BRWD1: variants seen among roughly 807,000 people sequenced by gnomAD.
BRWD1 encodes bromodomain and WD repeat-containing protein 1.
BRWD1 carries 82 observed loss-of-function variants against 251.2 expected under a neutral mutation model. The observed-to-expected ratio is 0.33, with a 90% CI of 0.27 to 0.39. The LOEUF is 0.39. Ranked by LOEUF, BRWD1 falls within the 10% of genes least tolerant of loss-of-function variation. BRWD1 has a pLI of 1.00. For synonymous variants in BRWD1, 918 were observed against 902.8 expected (o/e 1.02, Z -0.30); for missense variants, 2,233 against 2,711.6 (o/e 0.82, Z 3.92).
chr21:39,286,016 C>CTTTTTTTTTTTTTTTTTTTTTTTT (rs57151774), intron 8 of BRWD1, among the ~76,000 whole-genome samples: 1 of 104,806 alleles, frequency 9.5e-6, no homozygotes, highest in Non-Finnish European at 1.8e-5. Context: ...ACCATATGAA[C>CTTTTTTTTTTTTTTTTTTTTTTTT]TTTTTTTTTT....
intron 4 of BRWD1, among the ~76,000 whole-genome samples, chr21:39,304,778 T>C (rs1428908465): frequency 6.6e-6 from 1 of 152,074 alleles, no homozygotes; most frequent in Non-Finnish European, 1.5e-5. Flanking sequence ...AAGAAGTTGG[T>C]GTGGCTATAT....
intron 18 of BRWD1, among the ~76,000 whole-genome samples, 199 bp from the exon 19 acceptor site, chr21:39,256,027 G>A (rs1027707139): frequency 7.2e-5 from 11 of 152,026 alleles, no homozygotes; most frequent in African/African-American, 2.2e-4. Context: ...TATGTTGCCC[G>A]GGCTAGTCGC....
At chr21:39,297,197 T>C (rs368391678) in intron 5 of BRWD1, 9 of 985,392 alleles carry the variant, frequency 9.1e-6, no homozygotes, top group East Asian at 1.1e-4. Flanking sequence ...TGCCAGAAAT[T>C]AGTTTCTTCA....
chr21:39,222,528 G>A (rs2033218546), intron 29 of BRWD1, among the ~76,000 whole-genome samples: 1 of 152,134 alleles, frequency 6.6e-6, no homozygotes, highest in South Asian at 2.1e-4. Context: ...ATGGACATAG[G>A]AGCCAACATG....
intron 7 of BRWD1, among the ~76,000 whole-genome samples, chr21:39,295,167 A>G (rs936870992): frequency 7.6e-6 from 1 of 131,848 alleles, no homozygotes; most frequent in African/African-American, 2.8e-5. Flanking sequence ...AGTGTTAGGT[A>G]TGTCTATGTT....
intron 22 of BRWD1, among the ~76,000 whole-genome samples, chr21:39,238,179 G>C (rs2033875499): frequency 6.6e-6 from 1 of 151,316 alleles, no homozygotes; most frequent in South Asian, 2.1e-4. Flanking sequence ...AATATACTGT[G>C]GTTTTACCAC....
At chr21:39,311,612 G>C (rs2036486914) in intron 4 of BRWD1, among the ~76,000 whole-genome samples, 1 of 152,160 alleles carries the variant, frequency 6.6e-6, no homozygotes, top group Non-Finnish European at 1.5e-5. Context: ...AACTAAAAGA[G>C]GGCATCCTTT....
chr21:39,285,556 T>C (rs1465425048), intron 8 of BRWD1, among the ~76,000 whole-genome samples: 1 of 152,208 alleles, frequency 6.6e-6, no homozygotes, highest in Non-Finnish European at 1.5e-5. Flanking sequence ...ACAATGCATA[T>C]ATGCACTGAA....
chr21:39,309,631 T>C (rs891538769), intron 4 of BRWD1, among the ~76,000 whole-genome samples: 2 of 151,442 alleles, frequency 1.3e-5, no homozygotes, highest in African/African-American at 4.9e-5. Flanking sequence ...GAGACCATCC[T>C]GGCTAACACA....
At chr21:39,304,779 G>A (rs549527056) in intron 4 of BRWD1, among the ~76,000 whole-genome samples, 23 of 152,148 alleles carry the variant, frequency 1.5e-4, no homozygotes, top group Non-Finnish European at 2.5e-4. Flanking sequence ...AGAAGTTGGT[G>A]TGGCTATATT....
At chr21:39,213,283 C>A (rs1209041354) in intron 33 of BRWD1, among the ~76,000 whole-genome samples, 198 bp downstream of exon 33, 1 of 152,154 alleles carries the variant, frequency 6.6e-6, no homozygotes. Flanking sequence ...AAGTTATTCA[C>A]TTAGATATAT....
At position 39,189,959 on chromosome 21, in the gene BRWD1, C is replaced by A. The variant is rs1378891948; in HGVS notation, c.*6300G>T. The stretch of plus-strand genomic sequence containing the variant: ...GAGTCTTGTTTCAGTCATGGGTTTA[C>A]AAAGTCATTGAGTGCTTGAGGACTT... On this transcript the variant is annotated 3_prime_UTR_variant, in exon 41 of 41. Transcript: ENST00000342449. 1.0e-6 allele frequency: 1 copy of A among 985,222 alleles called. No homozygotes were observed. Among genetic ancestry groups the A allele is most frequent in the Non-Finnish European group, 1.2e-6 (1 of 829,914 alleles). The allele number at this position is 985,222 out of a possible 1,614,324, so 61.0% of individuals were successfully genotyped here.
At chr21:39,284,724 T>TC (rs1447357712) in intron 8 of BRWD1, among the ~76,000 whole-genome samples, 1 of 152,222 alleles carries the variant, frequency 6.6e-6, no homozygotes, top group East Asian at 1.9e-4. Flanking sequence ...TTGTATGTGT[T>TC]CTTTTTAGAA....
intron 12 of BRWD1, 21 bp downstream of exon 12, chr21:39,276,152 A>ACC: frequency 1.3e-6 from 2 of 1,599,098 alleles, no homozygotes; most frequent in Non-Finnish European, 1.7e-6. Context: ...ACACACACAC[A>ACC]CATACAAAAC....
intron 7 of BRWD1, 126 bp downstream of exon 7, chr21:39,295,617 C>T (rs975361874): frequency 1.5e-6 from 1 of 652,616 alleles, no homozygotes; most frequent in Non-Finnish European, 2.4e-6. Context: ...TTCGTGAGAC[C>T]CACACCATAC....
In BRWD1 at chr21:39,270,688, T is replaced by C. The variant is rs565164844; in HGVS notation, c.1245-255A>G. On this transcript the variant is annotated intron_variant, in intron 13 of 40. Coordinates refer to ENST00000342449, the MANE Select transcript of BRWD1 (RefSeq NM_033656.4). Reference sequence around the variant, plus strand: ...GATTTTAGGACACCATTACTGCTTATGAAAGCAATGCTTTTTCTCCCTACT... The same window carrying C: ...GATTTTAGGACACCATTACTGCTTACGAAAGCAATGCTTTTTCTCCCTACT... Among the ~76,000 whole-genome samples the C allele has an allele frequency of 4.6e-5, 7 of 152,378 alleles. 1 individual carries two copies. In the South Asian group the frequency reaches 1.4e-3, roughly 32 times the overall value.
intron 4 of BRWD1, among the ~76,000 whole-genome samples, chr21:39,309,432 T>C (rs2036395136): frequency 6.6e-6 from 1 of 152,020 alleles, no homozygotes. Context: ...CACCCCAGCC[T>C]GGGTAATAGA....
At chr21:39,308,737 C>T (rs1040330787) in intron 4 of BRWD1, among the ~76,000 whole-genome samples, 1 of 152,172 alleles carries the variant, frequency 6.6e-6, no homozygotes, top group South Asian at 2.1e-4. Context: ...AGATGAAAAC[C>T]ACTAAGAAAA....
Position 39,190,255 on chromosome 21 carries a change from T to G in BRWD1, c.*6004A>C, listed in dbSNP as rs1242165459. Reference sequence around the variant, plus strand: ...CTTTTTTTTAATTTTTAAGCTACCTTATTTACAGATTCTGCACAATATTTC... The same window carrying G: ...CTTTTTTTTAATTTTTAAGCTACCTGATTTACAGATTCTGCACAATATTTC... On this transcript the variant is annotated 3_prime_UTR_variant, in exon 41 of 41. Coordinates refer to ENST00000342449, the MANE Select transcript of BRWD1 (RefSeq NM_033656.4). The G allele has an allele frequency of 4.1e-6, 4 of 982,604 alleles. No individual in the cohort carries two copies. The African/African-American group carries it at 5.2e-5, about 13-fold the overall frequency. 60.9% of individuals were successfully genotyped at this position (982,604 alleles called of 1,614,324 possible).
Sources: gnomAD v4.1 joint callset for allele counts (sites outside exome capture counted in the v4.1 genomes callset) on GRCh38, gnomAD v4.1.1 for gene constraint, MANE v1.5 for transcripts, NCBI Gene and HGNC (gene_info 2026-07-23, HGNC 2026-07-21) for gene names.